BLTP1: variants seen among roughly 807,000 people sequenced by gnomAD.
BLTP1 encodes bridge-like lipid transfer protein family member 1, also known as fragile site-associated protein.
the BLTP1 span, chr4:122,263,702 G>C: frequency 4.6e-6 from 3 of 648,550 alleles, no homozygotes; most frequent in African/African-American, 5.5e-5. Context: ...AGTACTGTTT[G>C]GTTGAAATTG....
At chr4:122,255,016 T>G in the BLTP1 span, 100 of 1,502,676 alleles carry the variant, frequency 6.7e-5, no homozygotes, top group Non-Finnish European at 9.1e-5. Flanking sequence ...GACCCCTTAT[T>G]GTTAATCATT....
chr4:122,345,352 G>C, the BLTP1 span, among the ~76,000 whole-genome samples: 1 of 152,056 alleles, frequency 6.6e-6, no homozygotes, highest in Non-Finnish European at 1.5e-5. Flanking sequence ...AATGTTATTT[G>C]GCCCACATTT....
At chr4:122,178,235 A>G in the BLTP1 span, 20 of 709,272 alleles carry the variant, frequency 2.8e-5, no homozygotes, top group Non-Finnish European at 3.3e-5. Flanking sequence ...AAACAACTCA[A>G]TCAAAATTTA....
At chr4:122,152,437 G>C in the BLTP1 span, 1 of 985,806 alleles carries the variant, frequency 1.0e-6, no homozygotes, top group South Asian at 4.7e-5. Context: ...CCGGGCGGCG[G>C]GGCTAAAGGG....
At chr4:122,153,603 C>T in the BLTP1 span, among the ~76,000 whole-genome samples, 1 of 152,148 alleles carries the variant, frequency 6.6e-6, no homozygotes, top group Non-Finnish European at 1.5e-5. Flanking sequence ...CATACCAACT[C>T]CCAAGCACCC....
chr4:122,166,914 G>A, the BLTP1 span, among the ~76,000 whole-genome samples: 3 of 152,038 alleles, frequency 2.0e-5, no homozygotes, highest in African/African-American at 4.8e-5. Flanking sequence ...TTTTTCCAGC[G>A]GGAGCCTCTT....
the BLTP1 span, chr4:122,298,657 T>TTATACTTCTGTTTGGAACAC: frequency 3.5e-6 from 2 of 576,904 alleles, no homozygotes; most frequent in Non-Finnish European, 4.4e-6. Flanking sequence ...GTTTGGAACA[T>TTATACTTCTGTTTGGAACAC]TAGGTATTTA....
chr4:122,271,978 C>A, the BLTP1 span: 1 of 322,454 alleles, frequency 3.1e-6, no homozygotes, highest in Non-Finnish European at 4.5e-6. Context: ...TCTGGCTCTA[C>A]TATTCACTTT....
chr4:122,189,740 TTTC>T, the BLTP1 span: 26 of 887,758 alleles, frequency 2.9e-5, no homozygotes, highest in Non-Finnish European at 3.5e-5. Context: ...CAAATTTTTT[TTTC>T]TTCTTGAAGT....
the BLTP1 span, chr4:122,347,607 C>A: frequency 9.3e-6 from 15 of 1,613,684 alleles, no homozygotes; most frequent in African/African-American, 2.0e-4. Context: ...ACTGCAAGAC[C>A]TGGGAGCAGC....
At chr4:122,170,870 A>T in the BLTP1 span, 3 of 584,456 alleles carry the variant, frequency 5.1e-6, no homozygotes, top group Non-Finnish European at 8.7e-6. Context: ...TTAGGAAGGA[A>T]GATTGTTATT....
At chr4:122,193,558 C>A in the BLTP1 span, 1 of 513,056 alleles carries the variant, frequency 1.9e-6, no homozygotes, top group Non-Finnish European at 2.5e-6. Flanking sequence ...CATTTTTCTA[C>A]TTCTTGAAGA....
At chr4:122,344,672 A>G in the BLTP1 span, 2 of 1,131,860 alleles carry the variant, frequency 1.8e-6, no homozygotes, top group East Asian at 2.6e-5. Context: ...GCTTTCAGTG[A>G]TAAGTTGATA....
At chr4:122,267,141 C>CTCCACCT in the BLTP1 span, among the ~76,000 whole-genome samples, 4 of 138,084 alleles carry the variant, frequency 2.9e-5, no homozygotes, top group East Asian at 8.4e-4. Flanking sequence ...TTACTGCAAG[C>CTCCACCT]TCCACCTCCC....
chr4:122,283,256 G>A, the BLTP1 span, among the ~76,000 whole-genome samples: 1 of 141,816 alleles, frequency 7.1e-6, no homozygotes, highest in Admixed American at 6.7e-5. Context: ...TATAACCAGT[G>A]ATCATTGTAT....
the BLTP1 span, chr4:122,170,354 A>G: frequency 1.7e-6 from 1 of 602,636 alleles, no homozygotes; most frequent in Non-Finnish European, 2.1e-6. Flanking sequence ...TGTTATTTTG[A>G]GCCAGAGTAT....
chr4:122,243,884 C>T, the BLTP1 span: 16 of 1,597,802 alleles, frequency 1.0e-5, no homozygotes, highest in Middle Eastern at 1.7e-4. Context: ...AAAAAAAACT[C>T]GCTGATAACA....
At chr4:122,166,095 A>G in the BLTP1 span, among the ~76,000 whole-genome samples, 348 of 152,168 alleles carry the variant, frequency 2.3e-3, 14 homozygotes, top group South Asian at 0.059. Flanking sequence ...CCATTTGTCA[A>G]TTTTGGCTTT....
chr4:122,185,442 A>G, the BLTP1 span: 3 of 984,698 alleles, frequency 3.0e-6, no homozygotes, highest in African/African-American at 3.5e-5. Flanking sequence ...TTATTTCCTT[A>G]GTAGAAACAA....
Sources: allele counts gnomAD v4.1 joint callset (sites outside exome capture counted in the v4.1 genomes callset), GRCh38; gene constraint gnomAD v4.1.1; transcripts MANE v1.5; gene names NCBI Gene and HGNC (gene_info 2026-07-23, HGNC 2026-07-21).